RTN1: variants seen among roughly 807,000 people sequenced by gnomAD.
RTN1 encodes the protein reticulon-1.
RTN1 carries 25 observed loss-of-function variants against 65.5 expected under a neutral mutation model. That is an observed-to-expected ratio of 0.38 (90% CI 0.28 to 0.53). The LOEUF is 0.53. Among genes scored for constraint, RTN1 ranks in the 20% least tolerant of loss-of-function variants. The pLI is 0.79. For missense variants in RTN1, 983 were observed against 1,025.4 expected, an observed-to-expected ratio of 0.96 and a Z score of 0.57; for synonymous variants, 471 against 447.6, an observed-to-expected ratio of 1.05 and a Z score of -0.66.
At chr14:59,786,558 G>T (rs1165747769) in intron 1 of RTN1, among the ~76,000 whole-genome samples, 1 of 152,160 alleles carries the variant, frequency 6.6e-6, no homozygotes, top group Non-Finnish European at 1.5e-5. Flanking sequence ...ATTGGTCTTG[G>T]TAAGACCCTT....
chr14:59,646,909 A>G (rs182922103), intron 3 of RTN1: 4 of 154,266 alleles, frequency 2.6e-5, no homozygotes, highest in Non-Finnish European at 5.9e-5. Flanking sequence ...TAACAATACA[A>G]TGACAGAATC....
chr14:59,637,259 C>A (rs553701518), intron 3 of RTN1, among the ~76,000 whole-genome samples: 1 of 152,192 alleles, frequency 6.6e-6, no homozygotes, highest in East Asian at 1.9e-4. Context: ...CTTTGGTCAT[C>A]CATAAGAAGC....
At chr14:59,708,974 G>T (rs567462193) in intron 3 of RTN1, among the ~76,000 whole-genome samples, 1 of 152,292 alleles carries the variant, frequency 6.6e-6, no homozygotes, top group South Asian at 2.1e-4. Flanking sequence ...GAAGTTGAGA[G>T]ATTTTTGCTC....
intron 3 of RTN1, among the ~76,000 whole-genome samples, chr14:59,714,939 G>C (rs1884502994): frequency 6.6e-6 from 1 of 152,184 alleles, no homozygotes; most frequent in Non-Finnish European, 1.5e-5. Flanking sequence ...TCTCATAGGA[G>C]CGTGAACCTT....
chr14:59,655,499 G>T (rs1483754125), intron 3 of RTN1, among the ~76,000 whole-genome samples: 1 of 152,164 alleles, frequency 6.6e-6, no homozygotes, highest in Admixed American at 6.5e-5. Flanking sequence ...AGATGCAAGG[G>T]ACTCAGAATA....
At chr14:59,813,452 T>C (rs531119559) in intron 1 of RTN1, among the ~76,000 whole-genome samples, 3 of 152,338 alleles carry the variant, frequency 2.0e-5, no homozygotes, top group Admixed American at 2.0e-4. Context: ...ATGGATGGGA[T>C]TGAAAGATGA....
At chr14:59,746,612 G>A (rs550191633) in intron 1 of RTN1, 131 bp from the exon 2 acceptor site, 17 of 705,966 alleles carry the variant, frequency 2.4e-5, no homozygotes, top group Admixed American at 6.1e-5. Flanking sequence ...GAGTTCCCTC[G>A]GAGCTCCCTC....
intron 3 of RTN1, among the ~76,000 whole-genome samples, chr14:59,680,527 G>A (rs1883724504): frequency 6.6e-6 from 1 of 152,172 alleles, no homozygotes; most frequent in Non-Finnish European, 1.5e-5. Context: ...ATTTCCCAAT[G>A]AACCCAAATA....
At chr14:59,604,470 G>A (rs1881679713) in intron 5 of RTN1, 1 of 152,430 alleles carries the variant, frequency 6.6e-6, no homozygotes, top group African/African-American at 2.4e-5. Context: ...CCCCTGTTCT[G>A]GCCCACAATT....
At chr14:59,713,472 C>T (rs1396930846) in intron 3 of RTN1, among the ~76,000 whole-genome samples, 1 of 152,206 alleles carries the variant, frequency 6.6e-6, no homozygotes, top group East Asian at 1.9e-4. Flanking sequence ...TCATACATTT[C>T]CAGTGTAACT....
At chr14:59,777,846 AACACACACACAC>A (rs36006273) in intron 1 of RTN1, among the ~76,000 whole-genome samples, 231 of 150,132 alleles carry the variant, frequency 1.5e-3, no homozygotes, top group African/African-American at 5.3e-3. Flanking sequence ...AAAACAACAA[AACACACACACAC>A]ACACACACAA....
At chr14:59,856,411 G>T (rs1594769202) in intron 1 of RTN1, among the ~76,000 whole-genome samples, 1 of 152,136 alleles carries the variant, frequency 6.6e-6, no homozygotes. Context: ...GGTAAGAGAA[G>T]CAGCCTCTTC....
chr14:59,741,568 A>G (rs559502873), intron 2 of RTN1, among the ~76,000 whole-genome samples: 2 of 152,332 alleles, frequency 1.3e-5, no homozygotes, highest in East Asian at 3.9e-4. Flanking sequence ...GTCAACACAT[A>G]TTTGTTAAAT....
Position 59,819,411 on chromosome 14 carries a change from A to ACCC in RTN1, c.241+50978_241+50979insGGG, listed in dbSNP as rs1566737447. On this transcript the variant is annotated intron_variant, in intron 1 of 8. Coordinates refer to ENST00000267484, the MANE Select transcript of RTN1 (RefSeq NM_021136.3). ...AGCTGATTGGTGCATCCACACCACC[A>ACCC]CCACCCCCCCCCCACCCCCCACCCC... Among the ~76,000 whole-genome samples, 24 of 12,714 alleles carry ACCC rather than the reference A, an allele frequency of 1.9e-3. 6 individuals carry two copies. Among genetic ancestry groups the ACCC allele is most frequent in the African/African-American group, 3.4e-3 (5 of 1,454 alleles). The allele number at this position is 12,714 out of a possible 152,430, so 8.3% of individuals were successfully genotyped here. A position where few individuals can be genotyped will look rare whatever the true frequency, so the allele number is the denominator to read the frequency against.
chr14:59,715,114 G>A (rs1884506573), intron 3 of RTN1, among the ~76,000 whole-genome samples: 1 of 152,186 alleles, frequency 6.6e-6, no homozygotes, highest in Non-Finnish European at 1.5e-5. Flanking sequence ...CAAAAGGGTT[G>A]GGGACTACTG....
At chr14:59,773,970 CT>C (rs1417590359) in intron 1 of RTN1, among the ~76,000 whole-genome samples, 3 of 152,144 alleles carry the variant, frequency 2.0e-5, no homozygotes, top group African/African-American at 7.2e-5. Context: ...TATATGCCTT[CT>C]TTTCTCTCTT....
chr14:59,808,899 G>C (rs181347157), intron 1 of RTN1, among the ~76,000 whole-genome samples: 40 of 152,064 alleles, frequency 2.6e-4, no homozygotes, highest in Admixed American at 4.6e-4. Flanking sequence ...ACTTCCTGAG[G>C]GCTCCCCAGA....
At chr14:59,628,199 C>T (rs1003153106) in intron 3 of RTN1, among the ~76,000 whole-genome samples, 4 of 152,124 alleles carry the variant, frequency 2.6e-5, no homozygotes, top group Admixed American at 6.5e-5. Context: ...CCAGTGACTT[C>T]AACCCTGGTT....
intron 1 of RTN1, among the ~76,000 whole-genome samples, chr14:59,752,204 A>G (rs1407520972): frequency 6.6e-6 from 1 of 152,190 alleles, no homozygotes; most frequent in Admixed American, 6.5e-5. Context: ...CAAAAAGACT[A>G]TAAACTATGT....
Sources: gnomAD v4.1 joint callset for allele counts (sites outside exome capture counted in the v4.1 genomes callset) on GRCh38, gnomAD v4.1.1 for gene constraint, MANE v1.5 for transcripts, NCBI Gene and HGNC (gene_info 2026-07-23, HGNC 2026-07-21) for gene names.